The following GLB1 variants were observed in gnomAD, a reference collection of about 807,000 sequenced individuals.
The protein encoded by GLB1 is galactosidase beta 1, also known as beta-galactosidase.
GLB1 carries 56 observed loss-of-function variants against 74.0 expected under a neutral mutation model. The observed-to-expected ratio is 0.76, with a 90% CI of 0.61 to 0.94. GLB1 has a LOEUF of 0.94. Ranked by LOEUF, GLB1 falls within the 40% of genes least tolerant of loss-of-function variation. The probability of loss-of-function intolerance (pLI) is 0.00; values close to 1 mark genes in which losing one functional copy is unlikely to be tolerated. For synonymous variants in GLB1, 323 were observed against 323.6 expected (o/e 1.00, Z 0.02); for missense variants, 787 against 845.5 (o/e 0.93, Z 0.86).
At chr3:32,995,016 C>A (rs1696285045), downstream of GLB1, among the ~76,000 whole-genome samples, 1 of 152,080 alleles carries the variant, frequency 6.6e-6, no homozygotes, top group Admixed American at 6.6e-5. Flanking sequence ...TCCAAATTCC[C>A]TCACATTGAT....
chr3:33,078,922 C>T (rs1204179327), intron 1 of GLB1, among the ~76,000 whole-genome samples: 3 of 152,100 alleles, frequency 2.0e-5, no homozygotes, highest in Non-Finnish European at 2.9e-5. Context: ...TATCTCATGG[C>T]AGTCTTGAAC....
At position 33,092,642 on chromosome 3, in the gene GLB1, G is replaced by C. The variant is rs1001761604; in HGVS notation, c.75+4369C>G. The C allele has an allele frequency of 1.4e-5, 19 of 1,370,316 alleles. No homozygotes were observed. In the African/African-American group the frequency reaches 2.7e-4, roughly 20 times the overall value. The allele number at this position is 1,370,316 out of a possible 1,614,324, so 84.9% of individuals were successfully genotyped here. A position where few individuals can be genotyped will look rare whatever the true frequency, so the allele number is the denominator to read the frequency against. On this transcript the variant is annotated intron_variant, in intron 1 of 15. Transcript: ENST00000307363. ...GCATCAAAAAAAGCAACTGGCCAAG[G>C]AAATAGTTAAACCAGCCTGAACATG... is the stretch of plus-strand genomic sequence containing the variant.
intron 5 of GLB1, among the ~76,000 whole-genome samples, chr3:33,059,380 C>G (rs761122215): frequency 2.6e-5 from 4 of 151,704 alleles, no homozygotes; most frequent in African/African-American, 4.9e-5. Flanking sequence ...TAAAAGGGAT[C>G]CTTGGGGGCA....
the GLB1 span, among the ~76,000 whole-genome samples, chr3:32,961,632 A>G: frequency 6.6e-6 from 1 of 152,256 alleles, no homozygotes; most frequent in Non-Finnish European, 1.5e-5. Context: ...CTAGGCAGAA[A>G]CACAAACATA....
the GLB1 span, among the ~76,000 whole-genome samples, chr3:32,969,345 T>C: frequency 6.6e-6 from 1 of 152,138 alleles, no homozygotes; most frequent in Non-Finnish European, 1.5e-5. Context: ...ATGAGGCTAT[T>C]TATAAAGAAA....
At chr3:33,087,831 C>G (rs1442100280) in intron 1 of GLB1, among the ~76,000 whole-genome samples, 3 of 151,926 alleles carry the variant, frequency 2.0e-5, no homozygotes, top group Non-Finnish European at 4.4e-5. Flanking sequence ...AATAATATTC[C>G]TGGTGAATAT....
chr3:32,999,047 C>T (rs534455004), intron 15 of GLB1, among the ~76,000 whole-genome samples: 3 of 152,248 alleles, frequency 2.0e-5, no homozygotes, highest in South Asian at 2.1e-4. Context: ...GGCCTGTAAG[C>T]GGTAGCACTC....
the GLB1 span, among the ~76,000 whole-genome samples, chr3:32,987,531 T>C: frequency 6.6e-6 from 1 of 152,234 alleles, no homozygotes. Flanking sequence ...TGCCCAGGCC[T>C]GGATTGTGAA....
At chr3:33,013,917 G>A (rs887406986) in intron 15 of GLB1, 139 bp downstream of exon 15, 14 of 1,479,092 alleles carry the variant, frequency 9.5e-6, no homozygotes, top group African/African-American at 1.4e-5. Flanking sequence ...GCCACAATCC[G>A]CCTCCTGAAG....
chr3:32,979,306 T>A, the GLB1 span, among the ~76,000 whole-genome samples: 2 of 152,130 alleles, frequency 1.3e-5, no homozygotes, highest in African/African-American at 4.8e-5. Flanking sequence ...AAAGAAAGAT[T>A]TCTTTAGCTC....
At chr3:33,016,568 T>C (rs1697242829) in intron 14 of GLB1, 141 bp downstream of exon 14, 2 of 1,447,776 alleles carry the variant, frequency 1.4e-6, no homozygotes, top group African/African-American at 2.8e-5. Flanking sequence ...CCCAGGCTGG[T>C]CTTGAACTCC....
intron 1 of GLB1, chr3:33,077,014 A>G: frequency 2.4e-6 from 3 of 1,232,474 alleles, no homozygotes; most frequent in Non-Finnish European, 3.1e-6. Context: ...GCTAGAGCCC[A>G]GGAGTTCAAG....
chr3:33,070,898 T>C (rs976032406), intron 2 of GLB1, among the ~76,000 whole-genome samples: 8 of 152,202 alleles, frequency 5.3e-5, no homozygotes, highest in Admixed American at 1.3e-4. Context: ...CATGTGAGGC[T>C]TAGGAAAAAT....
chr3:33,073,260 C>T (rs1395830566), intron 1 of GLB1, among the ~76,000 whole-genome samples: 1 of 152,180 alleles, frequency 6.6e-6, no homozygotes, highest in Non-Finnish European at 1.5e-5. Flanking sequence ...CCCTACCTCT[C>T]TTCATCCATA....
chr3:33,012,649 C>G (rs1319678025), intron 15 of GLB1, among the ~76,000 whole-genome samples: 1 of 152,184 alleles, frequency 6.6e-6, no homozygotes. Context: ...GGCAGCTTTT[C>G]AAACACAATT....
intron 12 of GLB1, among the ~76,000 whole-genome samples, chr3:33,019,312 A>C (rs1381239853): frequency 6.6e-6 from 1 of 152,236 alleles, no homozygotes; most frequent in Admixed American, 6.5e-5. Flanking sequence ...CTCAGCAGTA[A>C]CGGAATTATT....
intron 6 of GLB1, among the ~76,000 whole-genome samples, chr3:33,055,455 CTTTTCT>C (rs1255952392): frequency 2.7e-5 from 3 of 111,584 alleles, no homozygotes; most frequent in Non-Finnish European, 5.1e-5. Flanking sequence ...TCATGGTTTT[CTTTTCT>C]TTTTTTTTTT....
chr3:33,038,019 CAAAAAAAAAAAA>C (rs63478362), intron 10 of GLB1: 5 of 71,702 alleles, frequency 7.0e-5, no homozygotes, highest in African/African-American at 3.1e-4. Context: ...GGCGACTCTT[CAAAAAAAAAAAA>C]AAAAAAAAAA....
rs1172435886 is a variant in GLB1, at chr3:33,016,709, C to A, written c.1479G>T (p.Lys493Asn). Residue 493 changes from lysine (K) to asparagine (N), a missense_variant and splice_region_variant, in exon 14 of 16, where the codon AAG (lysine) becomes AAT (asparagine). Lys to Asn is a moderately conservative substitution (Grantham distance 94). Transcript: ENST00000307363. ...GTCTTGACAGTGTGGTTTGTCCTACCTTAAAATCGTTGATATATGCACCAT... is the reference window on the plus strand; with the variant it reads ...GTCTTGACAGTGTGGTTTGTCCTACATTAAAATCGTTGATATATGCACCAT... ...VNYGAYINDF[K>N]GLVSNLTLSS... The A allele has an allele frequency of 1.2e-6, 2 of 1,613,686 alleles. No homozygotes were observed. Among genetic ancestry groups the A allele is most frequent in the South Asian group, 2.2e-5 (2 of 91,080 alleles).
Sources: allele counts gnomAD v4.1 joint callset (sites outside exome capture counted in the v4.1 genomes callset), GRCh38; gene constraint gnomAD v4.1.1; transcripts MANE v1.5; gene names NCBI Gene and HGNC (gene_info 2026-07-23, HGNC 2026-07-21).